Variants in TOR2A observed in about 807,000 individuals in gnomAD.
TOR2A encodes the protein prosalusin.
In TOR2A, 24 loss-of-function variants were observed where a neutral mutation model predicts 28.6. That is an observed-to-expected ratio of 0.84 (90% CI 0.61 to 1.18). TOR2A has a LOEUF of 1.18. TOR2A is among the 50% of genes most tolerant of loss of function. The pLI, the probability that TOR2A is intolerant of heterozygous loss-of-function variation, is 0.00. For synonymous variants in TOR2A, 203 were observed against 203.1 expected (o/e 1.00, Z 0.00); for missense variants, 426 against 448.1 (o/e 0.95, Z 0.45).
Position 127,731,990 on chromosome 9 carries a change from G to T in TOR2A, c.*44C>A. 2 of 1,585,220 alleles carry T rather than the reference G, an allele frequency of 1.3e-6. No homozygotes were observed. The highest frequency in any genetic ancestry group is 1.7e-6 in the Non-Finnish European group (2 of 1,164,964). On this transcript the variant is annotated 3_prime_UTR_variant, in exon 5 of 5. Coordinates refer to ENST00000373284, the MANE Select transcript of TOR2A (RefSeq NM_001085347.3). Reference sequence around the variant, plus strand: ...GTGACAGAGGCCCCTGGCCTTTCCTGCATGGCCTGGCCATCAGGGGGGCCG... The same window carrying T: ...GTGACAGAGGCCCCTGGCCTTTCCTTCATGGCCTGGCCATCAGGGGGGCCG...
intron 3 of TOR2A, 122 bp downstream of exon 3, chr9:127,733,263 C>T: frequency 6.2e-7 from 1 of 1,612,972 alleles, no homozygotes; most frequent in Non-Finnish European, 8.5e-7. Context: ...GCGGAGGGCA[C>T]TGGGAAAGCC....
chr9:127,733,212 G>T, intron 3 of TOR2A, 173 bp downstream of exon 3: 1 of 1,599,772 alleles, frequency 6.3e-7, no homozygotes. Flanking sequence ...TGTCCAAAGG[G>T]AAATCAACCA....
At chr9:127,733,221 C>A in intron 3 of TOR2A, 164 bp downstream of exon 3, 1 of 1,602,272 alleles carries the variant, frequency 6.2e-7, no homozygotes, top group South Asian at 1.1e-5. Context: ...GGAAATCAAC[C>A]AGGCGGAATG....
intron 2 of TOR2A, chr9:127,733,864 A>G (rs1012749932): frequency 2.2e-5 from 10 of 455,520 alleles, no homozygotes; most frequent in Non-Finnish European, 3.5e-5. Context: ...CTGAAACTAC[A>G]CAGCAGTGTT....
Position 127,731,636 on chromosome 9 carries a change from C to T in TOR2A, c.*398G>A. ...CCTCCATTTCTGGAAACTGAGAAGGCTCCACCTGGCTTGATATGGACACAG... is the reference window on the plus strand; with the variant it reads ...CCTCCATTTCTGGAAACTGAGAAGGTTCCACCTGGCTTGATATGGACACAG... On this transcript the variant is annotated 3_prime_UTR_variant, in exon 5 of 5. Transcript: ENST00000373284. The T allele has an allele frequency of 9.7e-7, 1 of 1,033,008 alleles. No homozygotes were observed. The highest frequency in any genetic ancestry group is 3.0e-5 in the Admixed American group (1 of 32,848). The allele number at this position is 1,033,008 out of a possible 1,614,324, so 64.0% of individuals were successfully genotyped here.
chr9:127,733,386 TGATGAA>T lies in TOR2A; in HGVS notation c.586_591del (p.Phe196_Ile197del). 6.2e-7 allele frequency: 1 copy of T among 1,613,842 alleles called. No homozygotes were observed. The highest frequency in any genetic ancestry group is 8.5e-7 in the Non-Finnish European group (1 of 1,180,016). On this transcript the variant is annotated inframe_deletion and splice_region_variant, in exon 3 of 5. Coordinates refer to ENST00000373284, the MANE Select transcript of TOR2A (RefSeq NM_001085347.3). ...GCCCACTGCAAAGCCGGGCCCCACCTGATGAAGATGAAGATGGCTTTGCGGTAATTG... is the reference window on the plus strand; with the variant it reads ...GCCCACTGCAAAGCCGGGCCCCACCTGATGAAGATGGCTTTGCGGTAATTG...
intron 2 of TOR2A, 84 bp from the exon 3 acceptor site, chr9:127,733,644 T>G: frequency 5.6e-6 from 7 of 1,248,020 alleles, no homozygotes; most frequent in Non-Finnish European, 7.6e-6. Context: ...ACTAATCTCC[T>G]TTCTAGGGAA....
chr9:127,734,137 T>G, intron 2 of TOR2A, 162 bp downstream of exon 2: 1 of 930,608 alleles, frequency 1.1e-6, no homozygotes, highest in Non-Finnish European at 1.5e-6. Flanking sequence ...CCCTGCCAGG[T>G]AGAATGACAC....
chr9:127,734,310 C>A lies in TOR2A; in HGVS notation c.406G>T (p.Glu136Ter). The A allele has an allele frequency of 1.9e-6, 3 of 1,595,506 alleles. No homozygotes were observed. Among genetic ancestry groups the A allele is most frequent in the Non-Finnish European group, 2.6e-6 (3 of 1,170,164 alleles). ...VLHFPHPSHI[E>*]RYKKDLKSWV... is the part of the protein sequence containing the mutation. ...CGCATCCAGCCTACCTTGTAGCGCT[C>A]GATGTGGCTGGGGTGGGGGAAGTGG... Residue 136 changes from glutamate to a stop codon, truncating the protein, a stop_gained, in exon 2 of 5, where the codon GAG becomes TAG. Coordinates refer to ENST00000373284, the MANE Select transcript of TOR2A (RefSeq NM_001085347.3). LOFTEE classifies it high-confidence loss of function.
chr9:127,734,734 G>GAT, intron 1 of TOR2A, 170 bp from the exon 2 acceptor site: 1 of 773,280 alleles, frequency 1.3e-6, no homozygotes, highest in Non-Finnish European at 1.8e-6. Context: ...CCACCTTCGG[G>GAT]CCTGATTCAG....
rs367742059 is a variant in TOR2A, at chr9:127,734,285, C to A, written c.417+14G>T. ...CCATGGTGAGAACAGTGGTCAAGGA[C>A]GCATCCAGCCTACCTTGTAGCGCTC... is the stretch of plus-strand genomic sequence containing the variant. On this transcript the variant is annotated intron_variant, in intron 2 of 4. Transcript: ENST00000373284. 6.4e-7 allele frequency: 1 copy of A among 1,562,512 alleles called. No individual in the cohort carries two copies. Among genetic ancestry groups the A allele is most frequent in the Admixed American group, 1.8e-5 (1 of 55,714 alleles).
chr9:127,733,785 T>G, intron 2 of TOR2A: 5 of 569,634 alleles, frequency 8.8e-6, no homozygotes, highest in Non-Finnish European at 1.2e-5. Context: ...AGCCTCCCAC[T>G]TCCCTGTTCA....
In TOR2A at chr9:127,731,947, T is replaced by G. The variant is rs962702131; in HGVS notation, c.*87A>C. ...CTAGCCGACACTCCGTTCATCTCAC[T>G]TGGTGCTCTGGGTTCCTGTGACAGA... is the stretch of plus-strand genomic sequence containing the variant. On this transcript the variant is annotated 3_prime_UTR_variant, in exon 5 of 5. Transcript: ENST00000373284. The G allele has an allele frequency of 6.1e-5, 93 of 1,529,778 alleles. No individual in the cohort carries two copies. The highest frequency in any genetic ancestry group is 7.5e-5 in the Non-Finnish European group (86 of 1,140,220). The allele number at this position is 1,529,778 out of a possible 1,614,324, so 94.8% of individuals were successfully genotyped here.
chr9:127,732,289 G>C lies in TOR2A; in HGVS notation c.722-11C>G. On this transcript the variant is annotated splice_polypyrimidine_tract_variant and intron_variant, in intron 4 of 4. Transcript: ENST00000373284. ...AGTTTGAGAAGCCATCTGCAGGAAG[G>C]GTAGGTGGGGAGGGGACTTTGTGCT... 1 of 1,564,096 alleles carries C rather than the reference G, an allele frequency of 6.4e-7. No individual in the cohort carries two copies. The highest frequency in any genetic ancestry group is 1.2e-5 in the South Asian group (1 of 84,658).
rs1844552982 is a variant in TOR2A at position 127,733,432 on chromosome 9, C to T, written c.546G>A (p.Trp182Ter). 1 of 1,613,824 alleles carries T rather than the reference C, an allele frequency of 6.2e-7. No individual in the cohort carries two copies. The highest frequency in any genetic ancestry group is 8.5e-7 in the Non-Finnish European group (1 of 1,179,956). The change falls in exon 3 of 5, where the codon TGG becomes TGA. Residue 182 changes from tryptophan to a stop codon, truncating the protein, a stop_gained. Transcript: ENST00000373284. LOFTEE classifies it high-confidence loss of function. ...TGCGGTAATTGGTCCCGTATACCAC[C>T]CAGGAGGAGCCCAGGAAAGGCCGCA... The part of the protein sequence containing the change: ...EVLRPFLGSS[W>*]VVYGTNYRKA...
At chr9:127,732,780 T>A in intron 3 of TOR2A, 89 bp from the exon 4 acceptor site, 1 of 1,503,184 alleles carries the variant, frequency 6.7e-7, no homozygotes. Flanking sequence ...CCACCTGACA[T>A]AGGAACATGG....
In TOR2A at chr9:127,733,458, G is replaced by A. The variant is rs1158065774; in HGVS notation, c.520C>T (p.Leu174=). The A allele has an allele frequency of 6.2e-7, 1 of 1,613,800 alleles. No homozygotes were observed. The highest frequency in any genetic ancestry group is 1.1e-5 in the South Asian group (1 of 91,088). Residue 174 remains leucine, a synonymous_variant, in exon 3 of 5, where the codon CTG becomes TTG. Coordinates refer to ENST00000373284, the MANE Select transcript of TOR2A (RefSeq NM_001085347.3). The part of the protein sequence containing the change: ...DKMPPGLMEV[L]RPFLGSSWVV... ...CAGGAGGAGCCCAGGAAAGGCCGCA[G>A]GACTTCCATCAGGCCTGGGGGCATC...
In TOR2A at chr9:127,732,699, C is replaced by G. The variant is rs1320886724; in HGVS notation, c.594-8G>C. 4 of 1,559,686 alleles carry G rather than the reference C, an allele frequency of 2.6e-6. No homozygotes were observed. The African/African-American group carries it at 5.4e-5, about 21-fold the overall frequency. The stretch of plus-strand genomic sequence containing the variant: ...TGCTTGCCACCCGTGTTGCTAAAAC[C>G]ATGGGGGACCCAGGCTGAGACTCAG... On this transcript the variant is annotated splice_polypyrimidine_tract_variant and splice_region_variant and intron_variant, in intron 3 of 4. Coordinates refer to ENST00000373284, the MANE Select transcript of TOR2A (RefSeq NM_001085347.3).
At chr9:127,733,634 A>C in intron 2 of TOR2A, 74 bp from the exon 3 acceptor site, 2 of 1,322,412 alleles carry the variant, frequency 1.5e-6, no homozygotes, top group Non-Finnish European at 2.0e-6. Context: ...CCAAACCAAA[A>C]CTAATCTCCT....
Sources: allele counts gnomAD v4.1 joint callset, GRCh38; gene constraint gnomAD v4.1.1; transcripts MANE v1.5; gene names NCBI Gene and HGNC (gene_info 2026-07-23, HGNC 2026-07-21).